Variants in ITPK1 observed in about 807,000 individuals in gnomAD.
ITPK1 encodes the protein inositol-tetrakisphosphate 1-kinase.
ITPK1 carries 21 observed loss-of-function variants against 45.3 expected under a neutral mutation model. The observed-to-expected ratio is 0.46, with a 90% CI of 0.33 to 0.67. The LOEUF is 0.67. Ranked by LOEUF, ITPK1 falls within the 30% of genes least tolerant of loss-of-function variation. The pLI, the probability that ITPK1 is intolerant of heterozygous loss-of-function variation, is 0.02. For synonymous variants in ITPK1, 258 were observed against 253.6 expected, an observed-to-expected ratio of 1.02 and a Z score of -0.16; for missense variants, 474 against 573.5, an observed-to-expected ratio of 0.83 and a Z score of 1.77.
chr14:92,956,264 T>G (rs1884723054), intron 8 of ITPK1, among the ~76,000 whole-genome samples: 1 of 151,836 alleles, frequency 6.6e-6, no homozygotes, highest in African/African-American at 2.4e-5. Context: ...GGACTGCAGG[T>G]GCACACCACC....
chr14:93,092,327 C>A (rs1377446199), intron 2 of ITPK1, among the ~76,000 whole-genome samples: 2 of 152,204 alleles, frequency 1.3e-5, no homozygotes, highest in African/African-American at 2.4e-5. Context: ...GGCCTCCTGA[C>A]CCCCAGACCT....
chr14:92,951,099 G>A (rs1370671199), intron 9 of ITPK1, among the ~76,000 whole-genome samples: 1 of 152,242 alleles, frequency 6.6e-6, no homozygotes, highest in African/African-American at 2.4e-5. Flanking sequence ...CCCAGGACAG[G>A]GAGGAAGAGA....
chr14:93,024,416 A>G (rs1888626624), intron 3 of ITPK1, among the ~76,000 whole-genome samples: 1 of 152,182 alleles, frequency 6.6e-6, no homozygotes, highest in African/African-American at 2.4e-5. Context: ...AGTGAGGGTA[A>G]AGAAATATCC....
intron 3 of ITPK1, chr14:93,069,995 T>G (rs1471153824): frequency 6.6e-6 from 1 of 152,234 alleles, no homozygotes; most frequent in Admixed American, 6.5e-5. Flanking sequence ...CTGGGTTTCA[T>G]AGTGTCTGAA....
At chr14:93,039,669 A>G (rs996960055) in intron 3 of ITPK1, among the ~76,000 whole-genome samples, 1 of 152,050 alleles carries the variant, frequency 6.6e-6, no homozygotes, top group African/African-American at 2.4e-5. Flanking sequence ...ACCAGGACGC[A>G]CCTACACCTC....
chr14:92,954,048 C>G (rs1311596931), intron 8 of ITPK1, among the ~76,000 whole-genome samples: 1 of 152,154 alleles, frequency 6.6e-6, no homozygotes, highest in Non-Finnish European at 1.5e-5. Context: ...CACCTGCCAC[C>G]ACGCCTGGCT....
At chr14:93,030,460 CTCAT>C (rs1158337472) in intron 3 of ITPK1, among the ~76,000 whole-genome samples, 1 of 152,162 alleles carries the variant, frequency 6.6e-6, no homozygotes, top group Non-Finnish European at 1.5e-5. Flanking sequence ...CATTCATGCA[CTCAT>C]TCATTGAGTA....
In ITPK1 at chr14:93,108,146, G is replaced by A. The variant is rs60052655; in HGVS notation, c.95+6923C>T. On this transcript the variant is annotated intron_variant, in intron 2 of 10. Coordinates refer to ENST00000267615, the MANE Select transcript of ITPK1 (RefSeq NM_014216.6). ...CGGGCCGGCTCCCCAAGGGCCACCA[G>A]AGTGGGAGAGGCTGGGCTGGGCCCA... 6.5e-3 allele frequency among the ~76,000 whole-genome samples: 993 copies of A among 152,372 alleles called. 10 individuals carry two copies. The highest frequency in any genetic ancestry group is 0.023 in the African/African-American group (947 of 41,594).
chr14:93,031,906 C>T (rs1889081309), intron 3 of ITPK1, among the ~76,000 whole-genome samples: 1 of 152,152 alleles, frequency 6.6e-6, no homozygotes, highest in Non-Finnish European at 1.5e-5. Context: ...TCCTTTTTAA[C>T]AATAAGGAGG....
chr14:92,973,851 G>A (rs935060570), intron 5 of ITPK1, among the ~76,000 whole-genome samples: 1 of 152,216 alleles, frequency 6.6e-6, no homozygotes, highest in African/African-American at 2.4e-5. Flanking sequence ...AAGGGACTTA[G>A]AGCCAGAAGA....
chr14:92,997,744 G>T (rs1179615595), intron 4 of ITPK1, among the ~76,000 whole-genome samples: 4 of 152,214 alleles, frequency 2.6e-5, no homozygotes, highest in African/African-American at 4.8e-5. Context: ...CCAAGAGTGG[G>T]ATCCTGGAGC....
intron 9 of ITPK1, among the ~76,000 whole-genome samples, chr14:92,950,534 G>C (rs1043391383): frequency 6.6e-6 from 1 of 152,264 alleles, no homozygotes; most frequent in Admixed American, 6.5e-5. Flanking sequence ...GAGGTGAAGG[G>C]AAGGGCCCTG....
intron 3 of ITPK1, among the ~76,000 whole-genome samples, chr14:93,058,068 A>G (rs1890284769): frequency 6.6e-6 from 1 of 152,114 alleles, no homozygotes; most frequent in African/African-American, 2.4e-5. Flanking sequence ...TAGAGTCCCT[A>G]GAGGGCAGCA....
chr14:93,066,300 G>C (rs776768176), intron 3 of ITPK1: 3 of 453,488 alleles, frequency 6.6e-6, no homozygotes, highest in Non-Finnish European at 1.3e-5. Context: ...GCGTGTGTGC[G>C]CGTGCATGTG....
intron 2 of ITPK1, 129 bp downstream of exon 2, chr14:93,114,940 C>T (rs1290198554): frequency 1.9e-6 from 1 of 523,956 alleles, no homozygotes; most frequent in East Asian, 3.6e-5. Flanking sequence ...CTCAGTCTCC[C>T]CGCGCGCCGC....
intron 3 of ITPK1, among the ~76,000 whole-genome samples, chr14:93,049,007 G>A (rs1445939496): frequency 6.6e-6 from 1 of 152,116 alleles, no homozygotes; most frequent in Non-Finnish European, 1.5e-5. Flanking sequence ...ACATAACATG[G>A]GCACCCCCAC....
At chr14:93,019,044 G>A (rs1888336410) in intron 3 of ITPK1, among the ~76,000 whole-genome samples, 1 of 152,228 alleles carries the variant, frequency 6.6e-6, no homozygotes, top group Non-Finnish European at 1.5e-5. Flanking sequence ...GACTCTGAAG[G>A]AAGGTAGAGA....
intron 10 of ITPK1, among the ~76,000 whole-genome samples, chr14:92,945,720 C>T (rs1014479956): frequency 1.3e-5 from 2 of 152,186 alleles, no homozygotes; most frequent in East Asian, 1.9e-4. Context: ...TCTGCTCCTG[C>T]GGTCCCCATA....
At chr14:93,027,189 G>T (rs1160093147) in intron 3 of ITPK1, among the ~76,000 whole-genome samples, 2 of 152,294 alleles carry the variant, frequency 1.3e-5, no homozygotes, top group East Asian at 3.9e-4. Flanking sequence ...GGGGCTTGTG[G>T]GATCAGGGTG....
Sources: gnomAD v4.1 joint callset for allele counts (sites outside exome capture counted in the v4.1 genomes callset) on GRCh38, gnomAD v4.1.1 for gene constraint, MANE v1.5 for transcripts, NCBI Gene and HGNC (gene_info 2026-07-23, HGNC 2026-07-21) for gene names.